GPR158: variants seen among roughly 807,000 people sequenced by gnomAD.
GPR158 encodes the protein metabotropic glycine receptor.
GPR158 carries 30 observed loss-of-function variants against 78.2 expected under a neutral mutation model. The ratio of observed to expected loss-of-function variants is 0.38; its 90% CI spans 0.29 to 0.52. The LOEUF is 0.52. Ranked by LOEUF, GPR158 falls within the 20% of genes least tolerant of loss-of-function variation. GPR158 has a pLI of 0.83. For synonymous variants in GPR158, 581 were observed against 591.1 expected (o/e 0.98, Z 0.25); for missense variants, 1,463 against 1,523.5 (o/e 0.96, Z 0.66).
At chr10:25,257,499 A>C (rs1006690898) in intron 2 of GPR158, among the ~76,000 whole-genome samples, 4 of 152,190 alleles carry the variant, frequency 2.6e-5, no homozygotes, top group African/African-American at 9.7e-5. Flanking sequence ...GGAAAGTAAT[A>C]ATTCTGCTCT....
chr10:25,373,584 G>A (rs1218217687), intron 2 of GPR158, among the ~76,000 whole-genome samples: 5 of 151,844 alleles, frequency 3.3e-5, no homozygotes, highest in Non-Finnish European at 7.4e-5. Flanking sequence ...TATAAGCACA[G>A]ATTTAGGTGC....
chr10:25,186,901 C>T (rs1160593648), intron 1 of GPR158, among the ~76,000 whole-genome samples: 2 of 151,690 alleles, frequency 1.3e-5, no homozygotes, highest in African/African-American at 2.4e-5. Flanking sequence ...GATACCAAAG[C>T]CTGGCAGAGA....
intron 2 of GPR158, 47 bp downstream of exon 2, chr10:25,221,204 T>C: frequency 1.0e-6 from 1 of 954,934 alleles, no homozygotes; most frequent in South Asian, 1.4e-5. Flanking sequence ...GAATACATTA[T>C]TTTGAATATG....
chr10:25,279,550 GAAAT>G (rs540591778), intron 2 of GPR158, among the ~76,000 whole-genome samples: 195 of 152,208 alleles, frequency 1.3e-3, no homozygotes, highest in African/African-American at 4.5e-3. Context: ...ACAGAAGTGA[GAAAT>G]AAAGACAGTT....
Position 25,176,231 on chromosome 10 carries a change from G to T in GPR158, c.811G>T (p.Glu271Ter). The change falls in exon 1 of 11, where the codon GAG (glutamate) becomes TAG (stop). Residue 271 changes from glutamate (E) to a stop codon, truncating the protein, a stop_gained. Transcript: ENST00000376351. LOFTEE classifies it high-confidence loss of function. The surrounding 1 kb of genome is among the most constrained non-coding windows in gnomAD (Gnocchi z 6.3). ...CTTCAAGTGGTCTCCGCCTTATCTG[G>T]AGTGCGAGAACGGGAGTTACAAGCC... The part of the protein sequence containing the change: ...SHFKWSPPYL[E>*]CENGSYKPGW... 6.2e-7 allele frequency: 1 copy of T among 1,605,174 alleles called. No homozygotes were observed. The highest frequency in any genetic ancestry group is 2.2e-5 in the East Asian group (1 of 44,568).
chr10:25,453,371 A>G (rs1248124151), intron 4 of GPR158, among the ~76,000 whole-genome samples: 5 of 152,064 alleles, frequency 3.3e-5, no homozygotes, highest in Non-Finnish European at 5.9e-5. Flanking sequence ...CTTCCTCCAT[A>G]TCTTTTCTAA....
chr10:25,255,631 C>T (rs1384345250), intron 2 of GPR158, among the ~76,000 whole-genome samples: 1 of 152,162 alleles, frequency 6.6e-6, no homozygotes, highest in Non-Finnish European at 1.5e-5. Flanking sequence ...TTGTGCTGGC[C>T]TCAGCTTCTA....
intron 2 of GPR158, among the ~76,000 whole-genome samples, chr10:25,351,039 TAGGTGAA>T (rs1450141813): frequency 6.6e-6 from 1 of 151,916 alleles, no homozygotes; most frequent in Non-Finnish European, 1.5e-5. Flanking sequence ...CCACTCTCTC[TAGGTGAA>T]ATGGAGATTC....
At chr10:25,311,354 G>A (rs918578027) in intron 2 of GPR158, among the ~76,000 whole-genome samples, 2 of 151,718 alleles carry the variant, frequency 1.3e-5, no homozygotes, top group African/African-American at 4.8e-5. Flanking sequence ...CCTCAGATAT[G>A]TTTTAAAGTT....
intron 2 of GPR158, among the ~76,000 whole-genome samples, chr10:25,323,191 A>G (rs1219867649): frequency 6.6e-6 from 1 of 152,162 alleles, no homozygotes; most frequent in Non-Finnish European, 1.5e-5. Context: ...TCAGTAAGCC[A>G]TGCTATACAC....
intron 2 of GPR158, among the ~76,000 whole-genome samples, chr10:25,387,413 T>C (rs1260227266): frequency 6.6e-6 from 1 of 152,216 alleles, no homozygotes; most frequent in African/African-American, 2.4e-5. Flanking sequence ...TCATCAGGAA[T>C]ACTTGTCTAT....
chr10:25,564,233 G>A (rs929570759), intron 6 of GPR158, among the ~76,000 whole-genome samples: 15 of 152,152 alleles, frequency 9.9e-5, no homozygotes, highest in Non-Finnish European at 8.8e-5. Flanking sequence ...ACACACATGA[G>A]CCTCTATTTC....
chr10:25,430,621 G>T (rs937002492), intron 4 of GPR158, among the ~76,000 whole-genome samples: 6 of 150,938 alleles, frequency 4.0e-5, no homozygotes, highest in Admixed American at 1.3e-4. Flanking sequence ...ATACTACAAG[G>T]CTACAGTAAC....
intron 7 of GPR158, among the ~76,000 whole-genome samples, chr10:25,581,710 G>A (rs1837201620): frequency 6.6e-6 from 1 of 152,100 alleles, no homozygotes; most frequent in South Asian, 2.1e-4. Context: ...CAGCCCGAGG[G>A]AAGGCAGATC....
At chr10:25,202,151 A>G (rs1852938388) in intron 1 of GPR158, among the ~76,000 whole-genome samples, 1 of 151,806 alleles carries the variant, frequency 6.6e-6, no homozygotes, top group Non-Finnish European at 1.5e-5. Context: ...TTTTACTTCT[A>G]TACTTTTTAT....
At chr10:25,346,558 G>A (rs1353652370) in intron 2 of GPR158, among the ~76,000 whole-genome samples, 1 of 151,918 alleles carries the variant, frequency 6.6e-6, no homozygotes, top group South Asian at 2.1e-4. Context: ...AGGTGCATAT[G>A]TTCCTTATAG....
intron 2 of GPR158, among the ~76,000 whole-genome samples, chr10:25,338,918 T>C (rs1588808607): frequency 6.6e-6 from 1 of 151,926 alleles, no homozygotes; most frequent in South Asian, 2.1e-4. Flanking sequence ...TGATTTCCTT[T>C]ATTTTCTCTC....
chr10:25,375,770 G>A (rs1410932), intron 2 of GPR158, among the ~76,000 whole-genome samples: 106,688 of 151,330 alleles, frequency 0.71, 38,562 homozygotes, highest in African/African-American at 0.77. Context: ...TGCTAATATC[G>A]TAGTGTCTTA....
At chr10:25,267,866 TATTTA>T (rs1337077090) in intron 2 of GPR158, among the ~76,000 whole-genome samples, 1 of 152,182 alleles carries the variant, frequency 6.6e-6, no homozygotes, top group Non-Finnish European at 1.5e-5. Flanking sequence ...TATTAAATGT[TATTTA>T]AGTTAATGGA....
Sources: allele counts gnomAD v4.1 joint callset (sites outside exome capture counted in the v4.1 genomes callset), GRCh38; gene constraint gnomAD v4.1.1; non-coding constraint Gnocchi (gnomAD v3.1); transcripts MANE v1.5; gene names NCBI Gene and HGNC (gene_info 2026-07-23, HGNC 2026-07-21).